STXBP3: variants seen among roughly 807,000 people sequenced by gnomAD.
The protein encoded by STXBP3 is syntaxin-binding protein 3.
STXBP3 carries 41 observed loss-of-function variants against 85.7 expected under a neutral mutation model. The observed-to-expected ratio is 0.48, with a 90% CI of 0.37 to 0.62. The LOEUF is 0.62. STXBP3 is among the 20% of genes least tolerant of loss of function. STXBP3 has a pLI of 0.00. For missense variants in STXBP3, 563 were observed against 703.1 expected, an observed-to-expected ratio of 0.80 and a Z score of 2.25; for synonymous variants, 229 against 231.7, an observed-to-expected ratio of 0.99 and a Z score of 0.10.
chr1:108,789,991 CAAAAAA>C (rs35345273), intron 11 of STXBP3, among the ~76,000 whole-genome samples: 1 of 121,254 alleles, frequency 8.2e-6, no homozygotes, highest in East Asian at 3.1e-4. Context: ...GACTCTGTCT[CAAAAAA>C]AAAAAAAAAA....
At chr1:108,799,564 G>A (rs970064603) in intron 16 of STXBP3, among the ~76,000 whole-genome samples, 1 of 151,804 alleles carries the variant, frequency 6.6e-6, no homozygotes. Flanking sequence ...TGAGTACTTT[G>A]TGCCCAATCC....
Position 108,758,538 on chromosome 1 carries a change from C to T in STXBP3, c.287C>T (p.Ala96Val). 2.6e-6 allele frequency: 4 copies of T among 1,541,416 alleles called. No homozygotes were observed. Among genetic ancestry groups the T allele is most frequent in the Non-Finnish European group, 3.5e-6 (4 of 1,138,666 alleles). ...GTAGATTGTTTCTTACATGATTTTG[C>T]AAGTAAATCGGAGAACAAGTATAAA... ...KSVDCFLHDF[A>V]SKSENKYKAA... The change falls in exon 5 of 19, where the codon GCA (alanine) becomes GTA (valine). Residue 96 changes from alanine (A) to valine (V), a missense_variant. Transcript: ENST00000370008.
chr1:108,764,507 C>A (rs1301810467), intron 6 of STXBP3, among the ~76,000 whole-genome samples: 1 of 152,180 alleles, frequency 6.6e-6, no homozygotes, highest in East Asian at 1.9e-4. Flanking sequence ...AATATACATT[C>A]CCACCAACGG....
chr1:108,766,883 G>C, intron 6 of STXBP3: 1 of 498,156 alleles, frequency 2.0e-6, no homozygotes, highest in South Asian at 1.6e-5. Context: ...TTGTAAGAGA[G>C]CAGGTAACTC....
chr1:108,756,840 C>A, intron 4 of STXBP3, 74 bp downstream of exon 4: 2 of 1,160,914 alleles, frequency 1.7e-6, no homozygotes, highest in South Asian at 1.8e-5. Flanking sequence ...ACAGAAAATT[C>A]AAAGTAATAA....
intron 9 of STXBP3, chr1:108,779,889 AC>A (rs1570762803): frequency 6.6e-6 from 1 of 152,376 alleles, no homozygotes; most frequent in East Asian, 1.9e-4. Flanking sequence ...CCATTTTGGT[AC>A]CTTCTACTGA....
intron 11 of STXBP3, among the ~76,000 whole-genome samples, chr1:108,789,648 G>A (rs985864099): frequency 7.9e-5 from 12 of 152,130 alleles, no homozygotes; most frequent in South Asian, 2.1e-4. Context: ...TAGGGAATAC[G>A]TTTTTAAATT....
At chr1:108,780,727 G>A (rs1767027) in intron 9 of STXBP3, 1 of 149,574 alleles carries the variant, frequency 6.7e-6, no homozygotes, top group African/African-American at 2.5e-5. Context: ...TAAGTGTCCA[G>A]ATTCAAGTTT....
At chr1:108,780,128 A>G (rs1662685164) in intron 9 of STXBP3, 1 of 152,166 alleles carries the variant, frequency 6.6e-6, no homozygotes, top group African/African-American at 2.4e-5. Context: ...AAATGAAAAT[A>G]GTTTTCTGAA....
chr1:108,758,599 T>C lies in STXBP3; in HGVS notation c.337+11T>C. 4 of 1,431,268 alleles carry C rather than the reference T, an allele frequency of 2.8e-6. No individual in the cohort carries two copies. Among genetic ancestry groups the C allele is most frequent in the South Asian group, 1.5e-5 (1 of 65,872 alleles). 88.7% of individuals were successfully genotyped at this position (1,431,268 alleles called of 1,614,324 possible). ...TTTACTTCACTGACTGTAAGTCTTT[T>C]AAAAAGTTATTGCTTCATTGTTCAA... On this transcript the variant is annotated intron_variant, in intron 5 of 18. Coordinates refer to ENST00000370008, the MANE Select transcript of STXBP3 (RefSeq NM_007269.4).
chr1:108,796,042 T>C (rs1663088245), intron 13 of STXBP3, among the ~76,000 whole-genome samples, 192 bp from the exon 14 acceptor site: 1 of 152,142 alleles, frequency 6.6e-6, no homozygotes, highest in Non-Finnish European at 1.5e-5. Context: ...ATTTTTTGTA[T>C]TTTTAGTACA....
At chr1:108,784,395 C>T (rs1173947382) in intron 11 of STXBP3, among the ~76,000 whole-genome samples, 1 of 152,146 alleles carries the variant, frequency 6.6e-6, no homozygotes, top group African/African-American at 2.4e-5. Context: ...GAATGAGTGC[C>T]AAGCAAAGGG....
rs142421521 is a variant in STXBP3 at position 108,774,056 on chromosome 1, T to C, written c.593+1237T>C. Among the ~76,000 whole-genome samples, 3 of 152,292 alleles carry C rather than the reference T, an allele frequency of 2.0e-5. No homozygotes were observed. In the East Asian group the frequency reaches 5.8e-4, roughly 29 times the overall value. On this transcript the variant is annotated intron_variant, in intron 7 of 18. Coordinates refer to ENST00000370008, the MANE Select transcript of STXBP3 (RefSeq NM_007269.4). ...CCTAGAGATGACTACCATCTGACTT[T>C]TAACACATAGTTAAATTTTGCTTGA... is the stretch of plus-strand genomic sequence containing the variant.
At chr1:108,767,117 TACA>T (rs1184952744) in intron 6 of STXBP3, 1 of 327,822 alleles carries the variant, frequency 3.1e-6, no homozygotes, top group African/African-American at 2.2e-5. Flanking sequence ...GCTGTTCACC[TACA>T]ACAACTTGGA....
intron 17 of STXBP3, among the ~76,000 whole-genome samples, chr1:108,804,221 T>C (rs557583816): frequency 4.8e-4 from 73 of 152,292 alleles, no homozygotes; most frequent in African/African-American, 1.7e-3. Flanking sequence ...CTTCTGCTGG[T>C]GTTTCATTCT....
At position 108,808,835 on chromosome 1, in the gene STXBP3, G is replaced by A. The variant is rs1318564270; in HGVS notation, c.1737G>A (p.Leu579=). The A allele has an allele frequency of 1.2e-6, 2 of 1,613,160 alleles. No homozygotes were observed. The highest frequency in any genetic ancestry group is 1.7e-5 in the Admixed American group (1 of 59,882). Residue 579 remains leucine, a synonymous_variant, in exon 19 of 19, where the codon CTG becomes CTA. Transcript: ENST00000370008. ...PKKLLDDIKM[L]NKPKDKVSLI... ...AGCTGTTGGATGATATAAAGATGCTGAATAAACCCAAGGATAAAGTCTCCT... is the reference window on the plus strand; with the variant it reads ...AGCTGTTGGATGATATAAAGATGCTAAATAAACCCAAGGATAAAGTCTCCT...
intron 7 of STXBP3, among the ~76,000 whole-genome samples, chr1:108,773,069 T>G (rs1662504015): frequency 6.6e-6 from 1 of 152,156 alleles, no homozygotes; most frequent in South Asian, 2.1e-4. Flanking sequence ...TAAAGAACGC[T>G]TAGAGGAAAT....
At position 108,793,666 on chromosome 1, in the gene STXBP3, G is replaced by T; in HGVS notation, c.1029+19G>T. The T allele has an allele frequency of 6.3e-7, 1 of 1,587,246 alleles. No homozygotes were observed. On this transcript the variant is annotated intron_variant, in intron 12 of 18. Coordinates refer to ENST00000370008, the MANE Select transcript of STXBP3 (RefSeq NM_007269.4). ...TACTAAGGTAAGCAGTATTGTATAT[G>T]AGATACCTGATTAGTTTTAGTTTAT... is the stretch of plus-strand genomic sequence containing the variant.
chr1:108,748,226 TAGC>T (rs1228859164), intron 1 of STXBP3, among the ~76,000 whole-genome samples: 1 of 152,150 alleles, frequency 6.6e-6, no homozygotes, highest in African/African-American at 2.4e-5. Flanking sequence ...AAAATTTTGA[TAGC>T]AGAAAAGAAA....
Sources: gnomAD v4.1 joint callset for allele counts (sites outside exome capture counted in the v4.1 genomes callset) on GRCh38, gnomAD v4.1.1 for gene constraint, MANE v1.5 for transcripts, NCBI Gene and HGNC (gene_info 2026-07-23, HGNC 2026-07-21) for gene names.